The following CACNA1G variants were observed in gnomAD, a reference collection of about 807,000 sequenced individuals.
The protein encoded by CACNA1G is voltage-dependent T-type calcium channel subunit alpha-1G.
CACNA1G carries 67 observed loss-of-function variants against 219.4 expected under a neutral mutation model. The observed-to-expected ratio is 0.31, with a 90% CI of 0.25 to 0.37. The LOEUF is 0.37. Ranked by LOEUF, CACNA1G falls within the 10% of genes least tolerant of loss-of-function variation. CACNA1G has a pLI of 1.00. For synonymous variants in CACNA1G, 1,296 were observed against 1,345.3 expected, an observed-to-expected ratio of 0.96 and a Z score of 0.80; for missense variants, 2,380 against 3,231.4, an observed-to-expected ratio of 0.74 and a Z score of 6.39.
intron 1 of CACNA1G, among the ~76,000 whole-genome samples, chr17:50,565,384 G>GGGGT (rs1555632652): frequency 2.5e-5 from 2 of 79,278 alleles, no homozygotes; most frequent in African/African-American, 1.3e-4. Flanking sequence ...TTGTGGGGTG[G>GGGGT]GGCGGGGGGT....
At chr17:50,595,417 C>T (rs980942838) in intron 14 of CACNA1G, among the ~76,000 whole-genome samples, 10 of 152,226 alleles carry the variant, frequency 6.6e-5, no homozygotes, top group Middle Eastern at 3.2e-3. Context: ...GAGTCCCAGA[C>T]GTCCGGCTTC....
At chr17:50,582,981 C>T (rs764617704) in intron 9 of CACNA1G, among the ~76,000 whole-genome samples, 11 of 151,946 alleles carry the variant, frequency 7.2e-5, no homozygotes, top group Non-Finnish European at 1.3e-4. Context: ...CTGTTCAAGG[C>T]GAGAGAAGCT....
At chr17:50,572,949 T>G (rs1203437887) in intron 6 of CACNA1G, 72 bp from the exon 7 acceptor site, 12 of 1,562,614 alleles carry the variant, frequency 7.7e-6, no homozygotes, top group African/African-American at 1.4e-5. Flanking sequence ...GGGGTGGGGG[T>G]CAAGGCCTCT....
In CACNA1G at chr17:50,575,660, G is replaced by T. The variant is rs1431145850; in HGVS notation, c.1258G>T (p.Ala420Ser). The change falls in exon 8 of 38, where the codon GCC becomes TCC. Residue 420 changes from alanine (A) to serine (S), a missense_variant. Physicochemically the swap from Ala to Ser is moderately conservative, Grantham distance 99. This residue lies in a region of CACNA1G where 72 missense variants were observed against 175.8 expected (regional missense o/e 0.41). Coordinates refer to ENST00000359106, the MANE Select transcript of CACNA1G (RefSeq NM_018896.5). Reference protein sequence around the residue: ...REQRVRFLSNASTLASFSEPG... With the variant: ...REQRVRFLSNSSTLASFSEPG... ...GCAGCGTGTGCGGTTCCTGTCCAAC[G>T]CCAGCACCCTGGCTAGCTTCTCTGA... The T allele has an allele frequency of 1.9e-6, 3 of 1,613,398 alleles. No individual in the cohort carries two copies. Among genetic ancestry groups the T allele is most frequent in the Admixed American group, 1.7e-5 (1 of 59,970 alleles).
chr17:50,608,405 G>C (rs1212999155), intron 25 of CACNA1G, among the ~76,000 whole-genome samples: 1 of 150,712 alleles, frequency 6.6e-6, no homozygotes, highest in African/African-American at 2.4e-5. Flanking sequence ...TCTCAACCCT[G>C]CACCCACCTA....
chr17:50,608,070 C>A, intron 25 of CACNA1G, 51 bp downstream of exon 25: 9 of 1,526,796 alleles, frequency 5.9e-6, no homozygotes, highest in South Asian at 3.7e-5. Context: ...CTCTCTGGGT[C>A]GTGCTTGACC....
chr17:50,598,774 G>A (rs944272367), intron 16 of CACNA1G, among the ~76,000 whole-genome samples: 1 of 152,152 alleles, frequency 6.6e-6, no homozygotes, highest in Non-Finnish European at 1.5e-5. Context: ...GTTTCACTCT[G>A]TCACCCAGGC....
At chr17:50,565,548 A>G (rs1458926283) in intron 1 of CACNA1G, among the ~76,000 whole-genome samples, 1 of 152,064 alleles carries the variant, frequency 6.6e-6, no homozygotes, top group Non-Finnish European at 1.5e-5. Flanking sequence ...ATTTACTAGA[A>G]GGCCAGGACT....
At position 50,621,361 on chromosome 17, in the gene CACNA1G, G is replaced by T. The variant is rs2051964398; in HGVS notation, c.5926-299G>T. Among the ~76,000 whole-genome samples, 1 of 152,102 alleles carries T rather than the reference G, an allele frequency of 6.6e-6. No homozygotes were observed. Among genetic ancestry groups the T allele is most frequent in the South Asian group, 2.1e-4 (1 of 4,826 alleles). On this transcript the variant is annotated intron_variant, in intron 34 of 37. Transcript: ENST00000359106. The surrounding 1 kb of genome is among the most constrained non-coding windows in gnomAD (Gnocchi z 4.6). ...TGGTAGTGTGGGAGGGGCTGGGGAG[G>T]CTCCTGGGGTATCTTTAGAATGCGT...
chr17:50,625,986 G>C (rs748949201), intron 37 of CACNA1G, 31 bp from the exon 38 acceptor site: 42 of 1,573,396 alleles, frequency 2.7e-5, no homozygotes, highest in Admixed American at 1.0e-4. Context: ...AGAGGAGACT[G>C]CTGGGCTGAG....
Position 50,626,522 on chromosome 17 carries a change from C to A in CACNA1G, c.6905C>A (p.Pro2302His). Residue 2302 changes from proline to histidine, a missense_variant, in exon 38 of 38, where the codon CCC becomes CAC. Pro to His is a moderately conservative substitution (Grantham distance 77). Transcript: ENST00000359106. This position sits in a 1 kb window ranked among gnomAD's most constrained non-coding sequence, Gnocchi z 4.3. ...CCTCTTGGGGGGCCTGGGAGCCGGC[C>A]CAAGAAAAAACTCAGCCCGCCTAGT... ...GQPLGGPGSR[P>H]KKKLSPPSIT... 1 of 1,572,882 alleles carries A rather than the reference C, an allele frequency of 6.4e-7. No homozygotes were observed. The highest frequency in any genetic ancestry group is 1.2e-5 in the South Asian group (1 of 85,416).
chr17:50,624,197 G>T, intron 36 of CACNA1G, 122 bp downstream of exon 36: 1 of 1,328,434 alleles, frequency 7.5e-7, no homozygotes. Context: ...GACCTCAGGG[G>T]AGCCTCCAGC....
At chr17:50,585,746 C>T (rs150437935) in intron 9 of CACNA1G, among the ~76,000 whole-genome samples, 5 of 152,250 alleles carry the variant, frequency 3.3e-5, no homozygotes, top group African/African-American at 1.2e-4. Flanking sequence ...AACCTCCTGC[C>T]ACCGAGGTGT....
intron 9 of CACNA1G, among the ~76,000 whole-genome samples, chr17:50,588,439 G>T (rs1019468500): frequency 6.6e-6 from 1 of 152,262 alleles, no homozygotes; most frequent in Non-Finnish European, 1.5e-5. Flanking sequence ...TGACAGGGAG[G>T]AGGGTTTGCC....
At chr17:50,580,695 C>T (rs1310830877) in intron 9 of CACNA1G, among the ~76,000 whole-genome samples, 1 of 152,180 alleles carries the variant, frequency 6.6e-6, no homozygotes, top group Non-Finnish European at 1.5e-5. Flanking sequence ...AGCAGGGAGG[C>T]CTCACTCAGT....
At chr17:50,595,511 C>T (rs1236753594) in intron 14 of CACNA1G, among the ~76,000 whole-genome samples, 2 of 152,266 alleles carry the variant, frequency 1.3e-5, no homozygotes, top group Non-Finnish European at 2.9e-5. Flanking sequence ...TTGGAGACCC[C>T]GCAAGCTGTC....
In CACNA1G at chr17:50,561,551, G is replaced by A; in HGVS notation, c.92G>A (p.Arg31Gln). Residue 31 changes from arginine to glutamine, a missense_variant, in exon 1 of 38, where the codon CGG (arginine) becomes CAG (glutamine). Around this residue, in one of 17 missense-constraint regions of CACNA1G, gnomAD observed 98 missense variants for 85.5 expected, o/e 1.15. Transcript: ENST00000359106. The stretch of plus-strand genomic sequence containing the variant: ...AACGACCTGTCGGGGGCCGGGGGCC[G>A]GCCGGGGCCGGGGTCAGCAGAAAAG... The part of the protein sequence containing the change: ...RLNDLSGAGG[R>Q]PGPGSAEKDP... The A allele has an allele frequency of 6.5e-7, 1 of 1,541,180 alleles. No individual in the cohort carries two copies. The highest frequency in any genetic ancestry group is 8.7e-7 in the Non-Finnish European group (1 of 1,147,124).
intron 36 of CACNA1G, 36 bp from the exon 37 acceptor site, chr17:50,624,324 T>TGCCCCCCCCCCCCCCCCCCGGC: frequency 8.5e-7 from 1 of 1,177,664 alleles, no homozygotes; most frequent in Non-Finnish European, 1.2e-6. Context: ...CTCCATTCTC[T>TGCCCCCCCCCCCCCCCCCCGGC]CCCCCCACCC....
intron 9 of CACNA1G, among the ~76,000 whole-genome samples, chr17:50,589,894 T>TTCTCTCTC (rs35679930): frequency 1.3e-4 from 18 of 138,834 alleles, no homozygotes; most frequent in African/African-American, 5.1e-4. Context: ...GCGTGCATTT[T>TTCTCTCTC]TCTCTCTCTC....
Sources: gnomAD v4.1 joint callset for allele counts (sites outside exome capture counted in the v4.1 genomes callset) on GRCh38, gnomAD v4.1.1 for gene constraint, gnomAD v4.1.1 regional missense constraint, Gnocchi (gnomAD v3.1) non-coding constraint, MANE v1.5 for transcripts, NCBI Gene and HGNC (gene_info 2026-07-23, HGNC 2026-07-21) for gene names.